Variants in MMP14 observed in about 807,000 individuals in gnomAD.
MMP14 encodes the protein matrix metallopeptidase 14, also known as matrix metalloproteinase-14.
Under a neutral mutation model 64.8 loss-of-function variants are expected in MMP14, and 13 were observed. That is an observed-to-expected ratio of 0.20 (90% CI 0.13 to 0.32). MMP14 has a LOEUF of 0.32. Ranked by LOEUF, MMP14 falls within the 10% of genes least tolerant of loss-of-function variation. MMP14 has a pLI of 1.00. For missense variants in MMP14, 594 were observed against 783.8 expected (o/e 0.76, Z 2.89); for synonymous variants, 322 against 315.9 (o/e 1.02, Z -0.20).
rs1328201997 is a variant in MMP14 at position 22,845,619 on chromosome 14, C to T, written c.1418-89C>T. On this transcript the variant is annotated intron_variant, in intron 9 of 9. Coordinates refer to ENST00000311852, the MANE Select transcript of MMP14 (RefSeq NM_004995.4). Reference sequence around the variant, plus strand: ...ACGAAGGTGGAGGGAAGCTCAGCTGCCCTCACATTAACAGAGCTTCCCTCG... The same window carrying T: ...ACGAAGGTGGAGGGAAGCTCAGCTGTCCTCACATTAACAGAGCTTCCCTCG... 4 of 1,335,064 alleles carry T rather than the reference C, an allele frequency of 3.0e-6. No individual in the cohort carries two copies. In the East Asian group the frequency reaches 6.9e-5, roughly 23 times the overall value. The allele number at this position is 1,335,064 out of a possible 1,614,324, so 82.7% of individuals were successfully genotyped here.
Position 22,842,114 on chromosome 14 carries a change from A to G in MMP14, c.380+79A>G. 1 of 1,571,770 alleles carries G rather than the reference A, an allele frequency of 6.4e-7. No individual in the cohort carries two copies. ...ATTGTGCTTATGCAGGGACTCAGAG[A>G]CCCCCTGCCCCACTCCCCTCAGTTC... On this transcript the variant is annotated intron_variant, in intron 3 of 9. Transcript: ENST00000311852. The surrounding 1 kb of genome is among the most constrained non-coding windows in gnomAD (Gnocchi z 5.3).
rs1566483747 is a variant in MMP14 at position 22,846,511 on chromosome 14, A to AATT, written c.*472_*473insATT. The stretch of plus-strand genomic sequence containing the variant: ...AGGTGTACCCAATTGGCAGCCTCTC[A>AATT]CTACTCTTTCTGGCTAAAAGGAATC... On this transcript the variant is annotated 3_prime_UTR_variant, in exon 10 of 10. Coordinates refer to ENST00000311852, the MANE Select transcript of MMP14 (RefSeq NM_004995.4). The AATT allele has an allele frequency of 6.2e-6, 1 of 160,830 alleles. No individual in the cohort carries two copies. The highest frequency in any genetic ancestry group is 1.4e-5 in the Non-Finnish European group (1 of 73,944). The allele number at this position is 160,830 out of a possible 1,614,324, so 10.0% of individuals were successfully genotyped here.
Position 22,843,185 on chromosome 14 carries a change from C to T in MMP14, c.689-72C>T. ...AGCAGGCTTGGAGGTGAAACCAAAGCTGCTGGTGGGGAAGCAGGGAGGCTG... is the reference window on the plus strand; with the variant it reads ...AGCAGGCTTGGAGGTGAAACCAAAGTTGCTGGTGGGGAAGCAGGGAGGCTG... On this transcript the variant is annotated intron_variant, in intron 4 of 9. Transcript: ENST00000311852. This position sits in a 1 kb window ranked among gnomAD's most constrained non-coding sequence, Gnocchi z 4.8. 2 of 1,531,932 alleles carry T rather than the reference C, an allele frequency of 1.3e-6. No individual in the cohort carries two copies. Among genetic ancestry groups the T allele is most frequent in the Non-Finnish European group, 1.8e-6 (2 of 1,129,652 alleles). The allele number at this position is 1,531,932 out of a possible 1,614,324, so 94.9% of individuals were successfully genotyped here.
At position 22,844,358 on chromosome 14, in the gene MMP14, G is replaced by A. The variant is rs375301389; in HGVS notation, c.1012-13G>A. 3 of 1,614,010 alleles carry A rather than the reference G, an allele frequency of 1.9e-6. No individual in the cohort carries two copies. The highest frequency in any genetic ancestry group is 2.7e-5 in the African/African-American group (2 of 75,034). ...AGACATAATGGACTTTTCCTGCATTGACCGGCTTCCAGGAGCGCTGGTTCT... is the reference window on the plus strand; with the variant it reads ...AGACATAATGGACTTTTCCTGCATTAACCGGCTTCCAGGAGCGCTGGTTCT... On this transcript the variant is annotated splice_polypyrimidine_tract_variant and intron_variant, in intron 6 of 9. Transcript: ENST00000311852.
intron 8 of MMP14, 147 bp downstream of exon 8, chr14:22,844,927 G>A: frequency 8.6e-7 from 1 of 1,156,932 alleles, no homozygotes; most frequent in Middle Eastern, 2.8e-4. Context: ...CCTAGAAATG[G>A]GCAGCCTCCT....
intron 1 of MMP14, 180 bp downstream of exon 1, chr14:22,837,105 C>A (rs1351859557): frequency 7.2e-6 from 5 of 695,852 alleles, no homozygotes; most frequent in Non-Finnish European, 1.3e-5. Context: ...ATCGATCCAA[C>A]TTTTGCCCGC....
Position 22,846,171 on chromosome 14 carries a change from C to G in MMP14, c.*132C>G. On this transcript the variant is annotated 3_prime_UTR_variant, in exon 10 of 10. Transcript: ENST00000311852. ...CCGCAGCCTCCTTGCTTCTCTCTGT[C>G]CCCTGGCTGGCCTCCTTCACCCTGA... 1 of 917,186 alleles carries G rather than the reference C, an allele frequency of 1.1e-6. No individual in the cohort carries two copies. The highest frequency in any genetic ancestry group is 1.6e-6 in the Non-Finnish European group (1 of 629,510). 56.8% of individuals were successfully genotyped at this position (917,186 alleles called of 1,614,324 possible).
chr14:22,837,078 CG>C, intron 1 of MMP14, 153 bp downstream of exon 1: 1 of 705,592 alleles, frequency 1.4e-6, no homozygotes, highest in South Asian at 1.6e-5. Context: ...TTTTCCTCTT[CG>C]TCTCCAAACT....
intron 9 of MMP14, among the ~76,000 whole-genome samples, 161 bp from the exon 10 acceptor site, chr14:22,845,547 C>T (rs900978559): frequency 6.6e-6 from 1 of 152,190 alleles, no homozygotes; most frequent in African/African-American, 2.4e-5. Flanking sequence ...ACCTTCCAAC[C>T]TGGTACTATA....
intron 1 of MMP14, chr14:22,837,542 G>A (rs1346856865): frequency 2.8e-6 from 1 of 359,780 alleles, no homozygotes; most frequent in African/African-American, 2.2e-5. Context: ...GAGGGTCGCA[G>A]CGCCGGCGCG....
At position 22,841,534 on chromosome 14, in the gene MMP14, G is replaced by T; in HGVS notation, c.152G>T (p.Arg51Leu). Reference sequence around the variant, plus strand: ...GGCTACCTGCCTCCCGGGGACCTACGTACCCACACACAGCGCTCACCCCAG... The same window carrying T: ...GGCTACCTGCCTCCCGGGGACCTACTTACCCACACACAGCGCTCACCCCAG... ...QYGYLPPGDLRTHTQRSPQSL... is the reference protein window; with the variant it reads ...QYGYLPPGDLLTHTQRSPQSL... Residue 51 changes from arginine to leucine, a missense_variant, in exon 2 of 10, where the codon CGT becomes CTT. By Grantham distance (102) the Arg-to-Leu change is moderately radical. Around this residue, in one of 4 missense-constraint regions of MMP14, gnomAD observed 179 missense variants for 283.4 expected, o/e 0.63. Coordinates refer to ENST00000311852, the MANE Select transcript of MMP14 (RefSeq NM_004995.4). The T allele has an allele frequency of 6.2e-7, 1 of 1,614,028 alleles. No homozygotes were observed. Among genetic ancestry groups the T allele is most frequent in the Non-Finnish European group, 8.5e-7 (1 of 1,180,000 alleles).
chr14:22,842,635 C>T lies in MMP14; in HGVS notation c.606C>T (p.Ala202=). ...GTGAGGGCGGCTTCCTGGCCCATGCCTACTTCCCAGGCCCCAACATTGGAG... is the reference window on the plus strand; with the variant it reads ...GTGAGGGCGGCTTCCTGGCCCATGCTTACTTCCCAGGCCCCAACATTGGAG... The part of the protein sequence containing the change: ...FDGEGGFLAH[A]YFPGPNIGGD... The change falls in exon 4 of 10, where the codon GCC becomes GCT. Residue 202 remains alanine, a synonymous_variant. Transcript: ENST00000311852. The surrounding 1 kb of genome is among the most constrained non-coding windows in gnomAD (Gnocchi z 5.3). The T allele has an allele frequency of 1.9e-6, 3 of 1,614,196 alleles. No homozygotes were observed. The highest frequency in any genetic ancestry group is 2.2e-5 in the South Asian group (2 of 91,084).
chr14:22,837,115 C>T (rs1654750181), intron 1 of MMP14, 190 bp downstream of exon 1: 14 of 692,814 alleles, frequency 2.0e-5, no homozygotes, highest in South Asian at 2.0e-4. Context: ...CTTTTGCCCG[C>T]TTCCAACCAG....
Position 22,842,816 on chromosome 14 carries a change from A to T in MMP14, c.688+99A>T, listed in dbSNP as rs2039783036. ...TTCCAAAATCTCCGGGCTAGAAGGG[A>T]CCACAGAGACCTTCTGATCTAACTT... On this transcript the variant is annotated intron_variant, in intron 4 of 9. Coordinates refer to ENST00000311852, the MANE Select transcript of MMP14 (RefSeq NM_004995.4). This position sits in a 1 kb window ranked among gnomAD's most constrained non-coding sequence, Gnocchi z 5.3. 2 of 1,225,822 alleles carry T rather than the reference A, an allele frequency of 1.6e-6. No individual in the cohort carries two copies. Among genetic ancestry groups the T allele is most frequent in the Non-Finnish European group, 2.3e-6 (2 of 885,494 alleles). 75.9% of individuals were successfully genotyped at this position (1,225,822 alleles called of 1,614,324 possible). A position where few individuals can be genotyped will look rare whatever the true frequency, so the allele number is the denominator to read the frequency against.
chr14:22,844,938 T>C lies in MMP14; in HGVS notation c.1301+158T>C, dbSNP rs376623434. Among the ~76,000 whole-genome samples, 4 of 152,024 alleles carry C rather than the reference T, an allele frequency of 2.6e-5. No individual in the cohort carries two copies. The East Asian group carries it at 5.8e-4, about 22-fold the overall frequency. ...GTTGCCTAGAAATGGGCAGCCTCCTTTGGGCACCGTGTGAGTGGGATGTGA... is the reference window on the plus strand; with the variant it reads ...GTTGCCTAGAAATGGGCAGCCTCCTCTGGGCACCGTGTGAGTGGGATGTGA... On this transcript the variant is annotated intron_variant, in intron 8 of 9. Transcript: ENST00000311852.
Position 22,843,659 on chromosome 14 carries a change from CG to C in MMP14, c.851-50del. 4 of 1,551,196 alleles carry C rather than the reference CG, an allele frequency of 2.6e-6. No homozygotes were observed. Among genetic ancestry groups the C allele is most frequent in the Non-Finnish European group, 3.5e-6 (4 of 1,148,612 alleles). On this transcript the variant is annotated intron_variant, in intron 5 of 9. Coordinates refer to ENST00000311852, the MANE Select transcript of MMP14 (RefSeq NM_004995.4). This position sits in a 1 kb window ranked among gnomAD's most constrained non-coding sequence, Gnocchi z 4.8. ...TTGTCTGCCCATCTGTCTGTCCTTC[CG>C]TCCCCGCCTCCTCCTAAGTCTGAAA...
At position 22,845,927 on chromosome 14, in the gene MMP14, T is replaced by C; in HGVS notation, c.1637T>C (p.Val546Ala). ...AGCGCGGCTGCCGTGGTGCTGCCCG[T>C]GCTGCTGCTGCTCCTGGTGCTGGCG... is the stretch of plus-strand genomic sequence containing the variant. ...AVSAAAVVLP[V>A]LLLLLVLAVG... Residue 546 changes from valine to alanine, a missense_variant, in exon 10 of 10, where the codon GTG (valine) becomes GCG (alanine). By Grantham distance (64) the Val-to-Ala change is moderately conservative. Around this residue, in one of 4 missense-constraint regions of MMP14, gnomAD observed 364 missense variants for 425.2 expected, o/e 0.86. Coordinates refer to ENST00000311852, the MANE Select transcript of MMP14 (RefSeq NM_004995.4). 2 of 1,602,692 alleles carry C rather than the reference T, an allele frequency of 1.2e-6. No homozygotes were observed. Among genetic ancestry groups the C allele is most frequent in the South Asian group, 1.1e-5 (1 of 90,190 alleles).
intron 1 of MMP14, chr14:22,837,310 T>C (rs1051788423): frequency 6.4e-6 from 3 of 470,648 alleles, no homozygotes; most frequent in Non-Finnish European, 8.4e-6. Context: ...CGGCTCCTCG[T>C]CATGCGCGAG....
Position 22,843,345 on chromosome 14 carries a change from C to T in MMP14, c.777C>T (p.Pro259=). 1 of 1,613,876 alleles carries T rather than the reference C, an allele frequency of 6.2e-7. No individual in the cohort carries two copies. Among genetic ancestry groups the T allele is most frequent in the Non-Finnish European group, 8.5e-7 (1 of 1,179,986 alleles). The change falls in exon 5 of 10, where the codon CCC becomes CCT. Residue 259 remains proline (P), a synonymous_variant. Coordinates refer to ENST00000311852, the MANE Select transcript of MMP14 (RefSeq NM_004995.4). This position sits in a 1 kb window ranked among gnomAD's most constrained non-coding sequence, Gnocchi z 4.8. ...HSSDPSAIMA[P]FYQWMDTENF... ...GTGACCCCTCGGCCATCATGGCACC[C>T]TTTTACCAGTGGATGGACACGGAGA...
Sources: gnomAD v4.1 joint callset for allele counts (sites outside exome capture counted in the v4.1 genomes callset) on GRCh38, gnomAD v4.1.1 for gene constraint, gnomAD v4.1.1 regional missense constraint, Gnocchi (gnomAD v3.1) non-coding constraint, MANE v1.5 for transcripts, NCBI Gene and HGNC (gene_info 2026-07-23, HGNC 2026-07-21) for gene names.